The following TMEM181 variants were observed in gnomAD, a reference collection of about 807,000 sequenced individuals.
The protein encoded by TMEM181 is transmembrane protein 181.
In TMEM181, 39 loss-of-function variants were observed where a neutral mutation model predicts 71.9. The observed-to-expected ratio is 0.54, with a 90% CI of 0.42 to 0.71. The LOEUF (loss-of-function observed/expected upper bound fraction) is 0.71, where lower values mean the gene tolerates loss of function less well. Ranked by LOEUF, TMEM181 falls within the 30% of genes least tolerant of loss-of-function variation. The pLI is 0.00. For missense variants in TMEM181, 595 were observed against 583.0 expected (o/e 1.02, Z -0.21); for synonymous variants, 245 against 228.8 (o/e 1.07, Z -0.64).
At chr6:158,623,360 G>A (rs1786083871) in intron 10 of TMEM181, among the ~76,000 whole-genome samples, 190 bp from the exon 11 acceptor site, 1 of 152,050 alleles carries the variant, frequency 6.6e-6, no homozygotes, top group South Asian at 2.1e-4. Flanking sequence ...GGATTGTATA[G>A]TTTTTTCATG....
At chr6:158,591,209 C>G (rs1385440759) in intron 6 of TMEM181, among the ~76,000 whole-genome samples, 1 of 152,174 alleles carries the variant, frequency 6.6e-6, no homozygotes, top group Non-Finnish European at 1.5e-5. Flanking sequence ...GCCGTCTCCT[C>G]CCCTCTGAGA....
At chr6:158,562,807 T>C (rs1276310486) in intron 1 of TMEM181, among the ~76,000 whole-genome samples, 6 of 152,340 alleles carry the variant, frequency 3.9e-5, no homozygotes, top group Non-Finnish European at 5.9e-5. Context: ...GTGTTCACCA[T>C]GTAGCAAGTG....
chr6:158,540,861 C>T (rs374199380), intron 1 of TMEM181, among the ~76,000 whole-genome samples: 20 of 152,234 alleles, frequency 1.3e-4, no homozygotes, highest in African/African-American at 4.6e-4. Flanking sequence ...TTGACCTCCT[C>T]GACTCCTCTC....
intron 5 of TMEM181, among the ~76,000 whole-genome samples, chr6:158,588,988 G>A (rs1302974515): frequency 2.0e-5 from 3 of 152,166 alleles, no homozygotes; most frequent in Non-Finnish European, 4.4e-5. Flanking sequence ...GTGCACCTCT[G>A]TATCCCTGCA....
chr6:158,571,509 AG>A, intron 1 of TMEM181, among the ~76,000 whole-genome samples: 1 of 143,830 alleles, frequency 7.0e-6, no homozygotes, highest in Admixed American at 6.9e-5. Flanking sequence ...CGTGTTGGCC[AG>A]GATGGTCTCA....
intron 13 of TMEM181, 81 bp from the exon 14 acceptor site, chr6:158,628,327 G>A (rs756066657): frequency 2.0e-5 from 27 of 1,320,702 alleles, no homozygotes; most frequent in Non-Finnish European, 2.9e-5. Context: ...AAGCTTGAAT[G>A]GGGTGAATAG....
At chr6:158,557,200 C>A (rs1287908681), upstream of TMEM181, among the ~76,000 whole-genome samples, 1 of 152,140 alleles carries the variant, frequency 6.6e-6, no homozygotes, top group Non-Finnish European at 1.5e-5. Context: ...CATAGTGAAA[C>A]CTTGTCTCTA....
chr6:158,627,177 CTCACTCTCACACCCTTACACCT>C (rs1214889590), intron 13 of TMEM181, among the ~76,000 whole-genome samples: 1 of 152,014 alleles, frequency 6.6e-6, no homozygotes, highest in Non-Finnish European at 1.5e-5. Context: ...CACACACACC[CTCACTCTCACACCCTTACACCT>C]TCACTCACAC....
At chr6:158,570,910 TGTTA>T (rs779069250) in intron 1 of TMEM181, among the ~76,000 whole-genome samples, 26 of 150,964 alleles carry the variant, frequency 1.7e-4, no homozygotes, top group South Asian at 8.3e-4. Flanking sequence ...TTTGTTTGTT[TGTTA>T]GGTTGGTTTT....
chr6:158,594,120 T>TTTTTTTTTTTTTTTTTTC (rs1554309324), intron 6 of TMEM181, among the ~76,000 whole-genome samples: 1 of 139,662 alleles, frequency 7.2e-6, no homozygotes, highest in Non-Finnish European at 1.5e-5. Flanking sequence ...TTTTTTTTTT[T>TTTTTTTTTTTTTTTTTTC]CTGAGACAGA....
At chr6:158,545,378 G>A (rs1272676738) in intron 1 of TMEM181, among the ~76,000 whole-genome samples, 1 of 152,286 alleles carries the variant, frequency 6.6e-6, no homozygotes, top group Non-Finnish European at 1.5e-5. Context: ...GACTTGGAAA[G>A]TCGTGGCAAG....
intron 1 of TMEM181, among the ~76,000 whole-genome samples, chr6:158,562,897 T>G (rs548782186): frequency 6.6e-5 from 10 of 152,176 alleles, no homozygotes; most frequent in Non-Finnish European, 1.2e-4. Flanking sequence ...TTTTCCCCAT[T>G]TTGCAGATGA....
intron 2 of TMEM181, 45 bp downstream of exon 2, chr6:158,573,568 G>A (rs1782997383): frequency 5.3e-6 from 8 of 1,507,950 alleles, no homozygotes; most frequent in African/African-American, 1.4e-5. Context: ...CATGCGCGGT[G>A]GCCCTGGCGT....
At chr6:158,547,385 A>G (rs892692525) in intron 1 of TMEM181, among the ~76,000 whole-genome samples, 1 of 152,184 alleles carries the variant, frequency 6.6e-6, no homozygotes, top group East Asian at 1.9e-4. Context: ...AAAGCTCCCC[A>G]GGTGATTCTA....
chr6:158,588,001 G>C (rs1044038141), intron 5 of TMEM181, among the ~76,000 whole-genome samples: 1 of 152,168 alleles, frequency 6.6e-6, no homozygotes, highest in Admixed American at 6.5e-5. Flanking sequence ...CCTGTGACCC[G>C]ACTGCCAGAG....
intron 2 of TMEM181, among the ~76,000 whole-genome samples, chr6:158,578,511 G>A (rs1316441705): frequency 6.6e-6 from 1 of 152,136 alleles, no homozygotes; most frequent in Non-Finnish European, 1.5e-5. Flanking sequence ...CTTATTTTAT[G>A]TTTTTGGACA....
intron 3 of TMEM181, among the ~76,000 whole-genome samples, 200 bp from the exon 4 acceptor site, chr6:158,583,754 C>T (rs759396665): frequency 2.6e-5 from 4 of 152,092 alleles, no homozygotes; most frequent in Non-Finnish European, 2.9e-5. Context: ...GAGCCGAGAT[C>T]GCGCCACTGC....
At chr6:158,540,226 CA>C (rs1376157339) in intron 1 of TMEM181, among the ~76,000 whole-genome samples, 1 of 152,170 alleles carries the variant, frequency 6.6e-6, no homozygotes, top group African/African-American at 2.4e-5. Flanking sequence ...TACACCCCAC[CA>C]AAATGGTAAC....
chr6:158,598,114 G>C (rs1784481032), intron 6 of TMEM181, among the ~76,000 whole-genome samples: 2 of 152,188 alleles, frequency 1.3e-5, no homozygotes, highest in Non-Finnish European at 2.9e-5. Context: ...TAAAAAGTTG[G>C]TTTCATCAGC....
Sources: gnomAD v4.1 joint callset for allele counts (sites outside exome capture counted in the v4.1 genomes callset) on GRCh38, gnomAD v4.1.1 for gene constraint, MANE v1.5 for transcripts, NCBI Gene and HGNC (gene_info 2026-07-23, HGNC 2026-07-21) for gene names.